Variants in PNPLA1 observed in about 807,000 individuals in gnomAD.
The protein encoded by PNPLA1 is omega-hydroxyceramide transacylase.
A neutral mutation model predicts 51.7 loss-of-function variants in PNPLA1; 36 were observed. That is an observed-to-expected ratio of 0.70 (90% CI 0.53 to 0.92). PNPLA1 has a LOEUF of 0.92. Among genes scored for constraint, PNPLA1 ranks in the 40% least tolerant of loss-of-function variants. PNPLA1 has a pLI of 0.00. For missense variants in PNPLA1, 658 were observed against 682.5 expected, an observed-to-expected ratio of 0.96 and a Z score of 0.40; for synonymous variants, 293 against 280.1, an observed-to-expected ratio of 1.05 and a Z score of -0.46.
At chr6:36,310,298 A>C (rs957282603) in intron 8 of PNPLA1, among the ~76,000 whole-genome samples, 1 of 152,174 alleles carries the variant, frequency 6.6e-6, no homozygotes, top group African/African-American at 2.4e-5. Flanking sequence ...GGGTGTACGC[A>C]TCAGCCTAGC....
chr6:36,259,600 GAAA>G (rs376961795), intron 1 of PNPLA1, among the ~76,000 whole-genome samples: 53 of 144,422 alleles, frequency 3.7e-4, no homozygotes, highest in African/African-American at 1.3e-3. Context: ...CTTTTCAGGA[GAAA>G]AAAAAAACAC....
At chr6:36,251,096 A>G (rs187696319) in intron 1 of PNPLA1, among the ~76,000 whole-genome samples, 129 of 152,292 alleles carry the variant, frequency 8.5e-4, no homozygotes, top group Non-Finnish European at 1.5e-3. Flanking sequence ...AAGGTAGGGA[A>G]CCAACAGTTC....
Position 36,293,184 on chromosome 6 carries a change from T to C in PNPLA1, c.504+58T>C, listed in dbSNP as rs373797363. ...GGATCCAAGGGACCTCGGGTCCCTGTGACTCACACCTGGGGGAGCAGGGGG... is the reference window on the plus strand; with the variant it reads ...GGATCCAAGGGACCTCGGGTCCCTGCGACTCACACCTGGGGGAGCAGGGGG... On this transcript the variant is annotated intron_variant, in intron 3 of 8. Transcript: ENST00000636260. The C allele has an allele frequency of 5.9e-5, 89 of 1,511,094 alleles. No individual in the cohort carries two copies. In the African/African-American group the frequency reaches 1.1e-3, roughly 18 times the overall value. The allele number at this position is 1,511,094 out of a possible 1,614,324, so 93.6% of individuals were successfully genotyped here.
chr6:36,309,493 G>C (rs1435674555), intron 8 of PNPLA1, among the ~76,000 whole-genome samples: 2 of 152,198 alleles, frequency 1.3e-5, no homozygotes, highest in Non-Finnish European at 2.9e-5. Flanking sequence ...GCCAAGCCCA[G>C]GCTCCAGTTC....
At chr6:36,262,277 T>C (rs1347464100) in intron 1 of PNPLA1, among the ~76,000 whole-genome samples, 2 of 81,826 alleles carry the variant, frequency 2.4e-5, no homozygotes, top group African/African-American at 1.5e-4. Context: ...AACCCTCCCA[T>C]CCTCCACTCT....
chr6:36,256,173 A>G (rs909317343), intron 1 of PNPLA1, among the ~76,000 whole-genome samples: 6 of 152,132 alleles, frequency 3.9e-5, no homozygotes, highest in Admixed American at 6.5e-5. Flanking sequence ...AGTGTGCTTG[A>G]TATGTCAATA....
At chr6:36,271,659 G>A (rs923297805) in intron 1 of PNPLA1, among the ~76,000 whole-genome samples, 2 of 152,232 alleles carry the variant, frequency 1.3e-5, no homozygotes, top group African/African-American at 4.8e-5. Flanking sequence ...TGGGTATAGT[G>A]ATAGAACAAG....
intron 6 of PNPLA1, among the ~76,000 whole-genome samples, chr6:36,303,971 T>C (rs1771153773): frequency 6.6e-6 from 1 of 152,208 alleles, no homozygotes; most frequent in Non-Finnish European, 1.5e-5. Flanking sequence ...TGAGCTTAAA[T>C]GGGCAGGATT....
intron 1 of PNPLA1, among the ~76,000 whole-genome samples, chr6:36,283,179 T>A (rs138072543): frequency 6.6e-6 from 1 of 152,322 alleles, no homozygotes; most frequent in Non-Finnish European, 1.5e-5. Context: ...TTAACTATAC[T>A]GCAGACTTAT....
chr6:36,257,882 T>G (rs1582031775), intron 1 of PNPLA1, among the ~76,000 whole-genome samples: 1 of 152,238 alleles, frequency 6.6e-6, no homozygotes, highest in Non-Finnish European at 1.5e-5. Flanking sequence ...TTTGTTCTTC[T>G]GAAAAGTATT....
chr6:36,244,314 A>T (rs1018530752), intron 1 of PNPLA1, among the ~76,000 whole-genome samples: 1 of 152,204 alleles, frequency 6.6e-6, no homozygotes, highest in African/African-American at 2.4e-5. Flanking sequence ...TTCAATTCAT[A>T]TATAAATGAG....
upstream of PNPLA1, among the ~76,000 whole-genome samples, chr6:36,266,483 T>C (rs1162773105): frequency 1.3e-5 from 2 of 152,202 alleles, no homozygotes; most frequent in Non-Finnish European, 2.9e-5. Flanking sequence ...GGTCTCCCTG[T>C]GTGCCTTTTA....
chr6:36,266,564 G>C (rs1043548592), upstream of PNPLA1, among the ~76,000 whole-genome samples: 1 of 152,118 alleles, frequency 6.6e-6, no homozygotes, highest in Non-Finnish European at 1.5e-5. Flanking sequence ...CATTGTCCAG[G>C]GGGGTGGGGT....
intron 3 of PNPLA1, 74 bp downstream of exon 3, chr6:36,293,200 G>A (rs1333998836): frequency 2.1e-6 from 3 of 1,433,282 alleles, no homozygotes; most frequent in African/African-American, 1.4e-5. Context: ...ACACCTGGGG[G>A]AGCAGGGGGG....
At chr6:36,299,769 A>T (rs1002661704) in intron 5 of PNPLA1, among the ~76,000 whole-genome samples, 3 of 152,062 alleles carry the variant, frequency 2.0e-5, no homozygotes, top group Admixed American at 6.5e-5. Context: ...TCATTTGTCT[A>T]TTTGCCTCCC....
chr6:36,289,051 T>C (rs1231043737), intron 1 of PNPLA1, among the ~76,000 whole-genome samples: 1 of 152,198 alleles, frequency 6.6e-6, no homozygotes, highest in Non-Finnish European at 1.5e-5. Flanking sequence ...TGAATAAAAA[T>C]AAAATATTTA....
intron 5 of PNPLA1, among the ~76,000 whole-genome samples, chr6:36,298,544 T>C (rs143205502): frequency 1.4e-3 from 220 of 152,328 alleles, no homozygotes; most frequent in Admixed American, 4.1e-3. Context: ...TTTACACACA[T>C]TGATCAACAA....
chr6:36,308,124 C>T (rs1429350266), intron 8 of PNPLA1: 1 of 153,724 alleles, frequency 6.5e-6, no homozygotes, highest in African/African-American at 2.4e-5. Context: ...TGCCTGTAAT[C>T]CCAGCACTTT....
At chr6:36,249,268 C>T (rs1449826681) in intron 1 of PNPLA1, among the ~76,000 whole-genome samples, 1 of 152,094 alleles carries the variant, frequency 6.6e-6, no homozygotes, top group Non-Finnish European at 1.5e-5. Flanking sequence ...CTTTTATTTC[C>T]TGAGAACTAA....
Sources: allele counts gnomAD v4.1 joint callset (sites outside exome capture counted in the v4.1 genomes callset), GRCh38; gene constraint gnomAD v4.1.1; transcripts MANE v1.5; gene names NCBI Gene and HGNC (gene_info 2026-07-23, HGNC 2026-07-21).